The following RASGRF1 variants were observed in gnomAD, a reference collection of about 807,000 sequenced individuals.
RASGRF1 encodes the protein Ras protein specific guanine nucleotide releasing factor 1.
In RASGRF1, 40 loss-of-function variants were observed where a neutral mutation model predicts 138.7. That is an observed-to-expected ratio of 0.29 (90% CI 0.22 to 0.38). The LOEUF (loss-of-function observed/expected upper bound fraction) is 0.38, where lower values mean the gene tolerates loss of function less well. RASGRF1 is among the 10% of genes least tolerant of loss of function. RASGRF1 has a pLI of 1.00. For missense variants in RASGRF1, 1,108 were observed against 1,650.4 expected, an observed-to-expected ratio of 0.67 and a Z score of 5.69; for synonymous variants, 614 against 663.2, an observed-to-expected ratio of 0.93 and a Z score of 1.14.
At chr15:79,088,901 C>A (rs2058016538) in intron 1 of RASGRF1, among the ~76,000 whole-genome samples, 1 of 152,202 alleles carries the variant, frequency 6.6e-6, no homozygotes, top group Non-Finnish European at 1.5e-5. Flanking sequence ...CAGGGACCCA[C>A]CCTCAAAAAT....
chr15:79,031,577 G>T (rs2057137408), intron 7 of RASGRF1, 68 bp from the exon 8 acceptor site: 2 of 1,037,596 alleles, frequency 1.9e-6, no homozygotes, highest in Non-Finnish European at 2.9e-6. Flanking sequence ...AGCAAGGCAG[G>T]GGCAGACAGG....
chr15:79,083,933 C>G (rs1275529584), intron 1 of RASGRF1, among the ~76,000 whole-genome samples: 2 of 152,222 alleles, frequency 1.3e-5, no homozygotes, highest in African/African-American at 4.8e-5. Context: ...CATTTTTGAT[C>G]TGGCGTTTTG....
intron 26 of RASGRF1, among the ~76,000 whole-genome samples, chr15:78,969,888 A>G (rs967061195): frequency 6.6e-6 from 1 of 152,152 alleles, no homozygotes; most frequent in Admixed American, 6.5e-5. Flanking sequence ...AGAGCCTACT[A>G]TAGTGCTTGG....
At chr15:79,034,356 T>C (rs570889453) in intron 6 of RASGRF1, among the ~76,000 whole-genome samples, 1 of 152,318 alleles carries the variant, frequency 6.6e-6, no homozygotes, top group South Asian at 2.1e-4. Context: ...TGTCTGTTGC[T>C]TGTGGAACTA....
chr15:79,073,312 C>T lies in RASGRF1; in HGVS notation c.277-8786G>A, dbSNP rs1040013602. ...AGCCCATGGCTCTTTCTAAGGGCAG[C>T]TGGTTCCTGTGGGGAAGCTGGGCTG... On this transcript the variant is annotated intron_variant, in intron 1 of 26. Coordinates refer to ENST00000558480, the MANE Select transcript of RASGRF1 (RefSeq NM_001145648.3). This position sits in a 1 kb window ranked among gnomAD's most constrained non-coding sequence, Gnocchi z 4.2. Among the ~76,000 whole-genome samples the T allele has an allele frequency of 1.3e-5, 2 of 152,104 alleles. No individual in the cohort carries two copies. The highest frequency in any genetic ancestry group is 4.8e-5 in the African/African-American group (2 of 41,400).
chr15:79,023,177 GA>G (rs113056568), intron 10 of RASGRF1, among the ~76,000 whole-genome samples: 10,649 of 143,662 alleles, frequency 0.074, 504 homozygotes, highest in East Asian at 0.17. Context: ...CCGTCTTGGG[GA>G]AAAAAAAAAA....
chr15:78,978,423 C>T, intron 24 of RASGRF1: 1 of 725,172 alleles, frequency 1.4e-6, no homozygotes, highest in Non-Finnish European at 1.7e-6. Flanking sequence ...CAGGGTTTTG[C>T]CATGTTGGCA....
chr15:79,030,778 A>G (rs925614428), intron 8 of RASGRF1, among the ~76,000 whole-genome samples: 5 of 152,104 alleles, frequency 3.3e-5, no homozygotes, highest in Non-Finnish European at 7.4e-5. Flanking sequence ...CAGGACCTGA[A>G]CCTCTTCCTG....
At chr15:78,968,386 C>T (rs1032067100) in intron 26 of RASGRF1, among the ~76,000 whole-genome samples, 11 of 152,154 alleles carry the variant, frequency 7.2e-5, no homozygotes, top group African/African-American at 2.7e-4. Context: ...ATCCGCCTGC[C>T]TCAGACTCCT....
intron 5 of RASGRF1, among the ~76,000 whole-genome samples, chr15:79,043,749 C>T (rs1475071446): frequency 5.3e-5 from 8 of 152,178 alleles, no homozygotes. Context: ...GAGGATGCCA[C>T]TCATCTTTGT....
chr15:78,972,257 G>A lies in RASGRF1; in HGVS notation c.3613-323C>T, dbSNP rs138890595. On this transcript the variant is annotated intron_variant, in intron 25 of 26. Coordinates refer to ENST00000558480, the MANE Select transcript of RASGRF1 (RefSeq NM_001145648.3). Reference sequence around the variant, plus strand: ...ATTACAAGTGCATGCCACCACGCCCGGCTAATTTTTGTATTTTTAGTAGAG... The same window carrying A: ...ATTACAAGTGCATGCCACCACGCCCAGCTAATTTTTGTATTTTTAGTAGAG... 7.3e-3 allele frequency among the ~76,000 whole-genome samples: 1,115 copies of A among 151,938 alleles called. 12 individuals are homozygous for A. Among genetic ancestry groups the A allele is most frequent in the Non-Finnish European group, 0.012 (799 of 67,940 alleles).
chr15:79,013,604 A>G (rs913543509), intron 13 of RASGRF1, among the ~76,000 whole-genome samples: 41 of 152,266 alleles, frequency 2.7e-4, no homozygotes, highest in Non-Finnish European at 4.4e-5. Flanking sequence ...GGCAACAGCA[A>G]CATGGCCCAG....
intron 5 of RASGRF1, among the ~76,000 whole-genome samples, chr15:79,035,619 G>C (rs1023528659): frequency 1.3e-5 from 2 of 152,214 alleles, no homozygotes; most frequent in African/African-American, 2.4e-5. Context: ...TGGCAAACAC[G>C]AGTAAAAGCC....
intron 1 of RASGRF1, among the ~76,000 whole-genome samples, chr15:79,071,343 G>A (rs954171245): frequency 2.0e-5 from 3 of 151,376 alleles, no homozygotes; most frequent in African/African-American, 7.3e-5. Flanking sequence ...TGCATTCTCT[G>A]AAGCTTTCTT....
chr15:79,003,887 C>T lies in RASGRF1; in HGVS notation c.2364G>A (p.Val788=). 1 of 1,614,114 alleles carries T rather than the reference C, an allele frequency of 6.2e-7. No homozygotes were observed. The highest frequency in any genetic ancestry group is 1.6e-4 in the Middle Eastern group (1 of 6,062). Residue 788 remains valine, a synonymous_variant, in exon 15 of 27, where the codon GTG becomes GTA. Coordinates refer to ENST00000558480, the MANE Select transcript of RASGRF1 (RefSeq NM_001145648.3). ...KATLDTSKLY[V]SSSFTNKIPD... ...GAATCTTGTTGGTGAAGCTGCTGGACACATAGAGCTTGCTGGTGTCCAGCG... is the reference window on the plus strand; with the variant it reads ...GAATCTTGTTGGTGAAGCTGCTGGATACATAGAGCTTGCTGGTGTCCAGCG...
At chr15:79,051,292 G>A (rs1010246885) in intron 3 of RASGRF1, among the ~76,000 whole-genome samples, 6 of 152,190 alleles carry the variant, frequency 3.9e-5, no homozygotes, top group Admixed American at 6.5e-5. Context: ...TAAAATTACC[G>A]CAGCCTGTGA....
At chr15:79,059,019 G>C (rs939396076) in intron 2 of RASGRF1, among the ~76,000 whole-genome samples, 2 of 152,156 alleles carry the variant, frequency 1.3e-5, no homozygotes, top group African/African-American at 2.4e-5. Flanking sequence ...CCCCGTCAGA[G>C]TGCTGTAAAA....
intron 16 of RASGRF1, 149 bp from the exon 17 acceptor site, chr15:79,000,062 G>T: frequency 1.3e-6 from 1 of 770,990 alleles, no homozygotes; most frequent in Non-Finnish European, 2.1e-6. Flanking sequence ...GTGCTGGTGT[G>T]TGTGTGTGTC....
Position 78,990,193 on chromosome 15 carries a change from T to C in RASGRF1, c.3212A>G (p.Asn1071Ser). The C allele has an allele frequency of 6.3e-7, 1 of 1,592,142 alleles. No individual in the cohort carries two copies. Among genetic ancestry groups the C allele is most frequent in the African/African-American group, 1.3e-5 (1 of 74,548 alleles). The part of the protein sequence containing the change: ...PYIMKTTKHF[N>S]DISNLIASEI... ...GGCGCTCCCATCCATACTCACGTCA[T>C]TGAAGTGCTTAGTGGTTTTCATGAT... Residue 1071 changes from asparagine (N) to serine (S), a missense_variant, in exon 22 of 27, where the codon AAT (asparagine) becomes AGT (serine). By Grantham distance (46) the Asn-to-Ser change is conservative. Coordinates refer to ENST00000558480, the MANE Select transcript of RASGRF1 (RefSeq NM_001145648.3).
Sources: gnomAD v4.1 joint callset for allele counts (sites outside exome capture counted in the v4.1 genomes callset) on GRCh38, gnomAD v4.1.1 for gene constraint, Gnocchi (gnomAD v3.1) non-coding constraint, MANE v1.5 for transcripts, NCBI Gene and HGNC (gene_info 2026-07-23, HGNC 2026-07-21) for gene names.